Variants in CDH10 observed in about 807,000 individuals in gnomAD.
CDH10 encodes cadherin 10, also known as cadherin-10.
Under a neutral mutation model 73.1 loss-of-function variants are expected in CDH10, and 30 were observed. That is an observed-to-expected ratio of 0.41 (90% confidence interval 0.31 to 0.56). The LOEUF is 0.56. Ranked by LOEUF, CDH10 falls within the 20% of genes least tolerant of loss-of-function variation. CDH10 has a pLI of 0.27. For synonymous variants in CDH10, 345 were observed against 348.2 expected, an observed-to-expected ratio of 0.99 and a Z score of 0.10; for missense variants, 815 against 973.7, an observed-to-expected ratio of 0.84 and a Z score of 2.17.
At chr5:24,527,803 G>A (rs1411914349) in intron 5 of CDH10, among the ~76,000 whole-genome samples, 1 of 151,840 alleles carries the variant, frequency 6.6e-6, no homozygotes, top group East Asian at 1.9e-4. Flanking sequence ...GCAAGAAAAA[G>A]TGAGAGAGAC....
intron 5 of CDH10, among the ~76,000 whole-genome samples, chr5:24,512,795 C>G (rs999910825): frequency 7.2e-5 from 11 of 152,250 alleles, no homozygotes; most frequent in African/African-American, 2.6e-4. Flanking sequence ...CCTTCTTGCT[C>G]ATAAACCTTA....
In CDH10 at chr5:24,487,126, T is replaced by G. The variant is rs897702666; in HGVS notation, c.*537A>C. On this transcript the variant is annotated 3_prime_UTR_variant, in exon 12 of 12. Coordinates refer to ENST00000264463, the MANE Select transcript of CDH10 (RefSeq NM_006727.5). ...AGTTGTAAAAACTGGTTTATTTTTT[T>G]AAAAATAAATACAAAAATATAAATA... 1.3e-5 allele frequency: 2 copies of G among 152,540 alleles called. No individual in the cohort carries two copies. The highest frequency in any genetic ancestry group is 2.9e-5 in the Non-Finnish European group (2 of 68,010). 9.4% of individuals were successfully genotyped at this position (152,540 alleles called of 1,614,324 possible).
chr5:24,604,891 A>C (rs1175818887), intron 1 of CDH10, among the ~76,000 whole-genome samples: 37 of 146,644 alleles, frequency 2.5e-4, no homozygotes, highest in Middle Eastern at 6.8e-3. Context: ...AAAAAAAAAA[A>C]AAAACAAAAA....
intron 1 of CDH10, among the ~76,000 whole-genome samples, chr5:24,600,124 C>G (rs1049926873): frequency 2.0e-5 from 3 of 152,140 alleles, no homozygotes; most frequent in Non-Finnish European, 4.4e-5. Context: ...TCAAAAAAGA[C>G]AATACAAGAC....
chr5:24,501,410 G>C (rs76701539), intron 8 of CDH10, among the ~76,000 whole-genome samples: 2 of 152,004 alleles, frequency 1.3e-5, no homozygotes, highest in Non-Finnish European at 2.9e-5. Context: ...CTAATTTTTT[G>C]GCTGGCAGAT....
intron 11 of CDH10, among the ~76,000 whole-genome samples, chr5:24,490,499 T>C (rs956192395): frequency 1.3e-5 from 2 of 152,142 alleles, no homozygotes; most frequent in Non-Finnish European, 2.9e-5. Flanking sequence ...AATTATTCAA[T>C]TCATTCATTT....
intron 2 of CDH10, among the ~76,000 whole-genome samples, chr5:24,573,483 C>T (rs1266456460): frequency 3.3e-5 from 5 of 151,826 alleles, no homozygotes; most frequent in Non-Finnish European, 5.9e-5. Context: ...AGGCAGATCA[C>T]GAGGTCAGGA....
chr5:24,622,939 T>A (rs911869840), intron 1 of CDH10, among the ~76,000 whole-genome samples: 2 of 152,186 alleles, frequency 1.3e-5, no homozygotes, highest in Non-Finnish European at 2.9e-5. Context: ...TGAGACCACA[T>A]AACGTGATGT....
chr5:24,504,953 GAAAAAAAGTGT>G (rs1742650808), intron 8 of CDH10, among the ~76,000 whole-genome samples, 148 bp downstream of exon 8: 2 of 151,732 alleles, frequency 1.3e-5, no homozygotes, highest in Admixed American at 1.3e-4. Flanking sequence ...AAGAAATATT[GAAAAAAAGTGT>G]AAGTGCTGAG....
At chr5:24,497,345 C>T (rs541194503) in intron 9 of CDH10, among the ~76,000 whole-genome samples, 3 of 151,816 alleles carry the variant, frequency 2.0e-5, no homozygotes, top group East Asian at 2.0e-4. Flanking sequence ...CTGAGCCTGC[C>T]AAGCAGAGGA....
At chr5:24,629,531 T>TA (rs1484577174) in intron 1 of CDH10, among the ~76,000 whole-genome samples, 1 of 151,254 alleles carries the variant, frequency 6.6e-6, no homozygotes, top group Non-Finnish European at 1.5e-5. Flanking sequence ...AAGGAAGTGA[T>TA]AGAGTTTGGC....
intron 9 of CDH10, 54 bp downstream of exon 9, chr5:24,498,344 A>AAAAAAATTT: frequency 8.0e-7 from 1 of 1,253,622 alleles, no homozygotes; most frequent in Non-Finnish European, 1.1e-6. Flanking sequence ...TGAAAAGAAA[A>AAAAAAATTT]TATTTTGCAT....
intron 5 of CDH10, among the ~76,000 whole-genome samples, chr5:24,520,704 A>C (rs1474318254): frequency 6.6e-6 from 1 of 152,088 alleles, no homozygotes; most frequent in East Asian, 1.9e-4. Context: ...ACAAACAAAC[A>C]CATATACAAC....
At chr5:24,592,995 A>C (rs1746251055) in intron 2 of CDH10, among the ~76,000 whole-genome samples, 1 of 151,738 alleles carries the variant, frequency 6.6e-6, no homozygotes, top group Non-Finnish European at 1.5e-5. Context: ...CTAACCATAA[A>C]TTCTAAAATT....
At chr5:24,527,947 C>T (rs534146758) in intron 5 of CDH10, among the ~76,000 whole-genome samples, 1 of 151,942 alleles carries the variant, frequency 6.6e-6, no homozygotes, top group East Asian at 1.9e-4. Flanking sequence ...TGAATGTATC[C>T]TGTAGGTAAT....
chr5:24,586,732 A>G (rs931473913), intron 2 of CDH10, among the ~76,000 whole-genome samples: 70 of 151,770 alleles, frequency 4.6e-4, no homozygotes, highest in Non-Finnish European at 1.2e-4. Context: ...GGCGAGAGTC[A>G]TTGCATCCAG....
chr5:24,583,558 TCTG>T (rs1193923530), intron 2 of CDH10, among the ~76,000 whole-genome samples: 2 of 152,198 alleles, frequency 1.3e-5, no homozygotes, highest in Non-Finnish European at 2.9e-5. Context: ...TAGAAAAAAA[TCTG>T]CTAATTTATT....
At chr5:24,492,101 A>G (rs774207189) in intron 10 of CDH10, among the ~76,000 whole-genome samples, 4 of 152,198 alleles carry the variant, frequency 2.6e-5, no homozygotes, top group Non-Finnish European at 5.9e-5. Flanking sequence ...ATCATTTACC[A>G]AGATTACAGA....
intron 2 of CDH10, among the ~76,000 whole-genome samples, chr5:24,572,621 T>A (rs528622314): frequency 4.8e-4 from 72 of 150,006 alleles, no homozygotes; most frequent in Admixed American, 3.9e-3. Flanking sequence ...GGATCAGTTC[T>A]GGCAGAAAAA....
Sources: gnomAD v4.1 joint callset for allele counts (sites outside exome capture counted in the v4.1 genomes callset) on GRCh38, gnomAD v4.1.1 for gene constraint, MANE v1.5 for transcripts, NCBI Gene and HGNC (gene_info 2026-07-23, HGNC 2026-07-21) for gene names.